Variants in ARHGAP20 observed in about 807,000 individuals in gnomAD.
ARHGAP20 encodes rho GTPase-activating protein 20.
In ARHGAP20, 34 loss-of-function variants were observed where a neutral mutation model predicts 73.7. That is an observed-to-expected ratio of 0.46 (90% CI 0.35 to 0.61). The LOEUF is 0.61. Among genes scored for constraint, ARHGAP20 ranks in the 20% least tolerant of loss-of-function variants. ARHGAP20 has a pLI of 0.00. For missense variants in ARHGAP20, 1,314 were observed against 1,420.9 expected (o/e 0.92, Z 1.21); for synonymous variants, 523 against 518.2 (o/e 1.01, Z -0.13).
intron 2 of ARHGAP20, among the ~76,000 whole-genome samples, chr11:110,650,598 C>A (rs1185012123): frequency 1.3e-5 from 2 of 152,030 alleles, no homozygotes; most frequent in East Asian, 3.9e-4. Flanking sequence ...TACATCCACA[C>A]CACTCTATTG....
At chr11:110,607,429 C>T (rs561369155) in intron 8 of ARHGAP20, among the ~76,000 whole-genome samples, 1 of 152,122 alleles carries the variant, frequency 6.6e-6, no homozygotes, top group African/African-American at 2.4e-5. Context: ...AAAAACTAAA[C>T]CCTGGACATC....
At chr11:110,690,732 T>C in intron 1 of ARHGAP20, 103 bp from the exon 2 acceptor site, 1 of 1,143,686 alleles carries the variant, frequency 8.7e-7, no homozygotes, top group Non-Finnish European at 1.3e-6. Context: ...TTGCCTATCT[T>C]TGTCTGTCAA....
At chr11:110,671,524 TC>T in intron 2 of ARHGAP20, among the ~76,000 whole-genome samples, 1 of 152,134 alleles carries the variant, frequency 6.6e-6, no homozygotes, top group South Asian at 2.1e-4. Context: ...GAAATAAAAA[TC>T]AAACAAATTA....
At chr11:110,593,465 G>GCACTCACT (rs1371953182) in intron 9 of ARHGAP20, among the ~76,000 whole-genome samples, 1 of 152,162 alleles carries the variant, frequency 6.6e-6, no homozygotes, top group East Asian at 1.9e-4. Context: ...CTAGCTGAAG[G>GCACTCACT]CACTAAAGAG....
At chr11:110,593,886 T>C (rs1391190690) in intron 9 of ARHGAP20, among the ~76,000 whole-genome samples, 2 of 152,248 alleles carry the variant, frequency 1.3e-5, no homozygotes, top group African/African-American at 4.8e-5. Flanking sequence ...CTCCATTTTC[T>C]CCAGTGAGAG....
chr11:110,669,811 G>C (rs1949793769), intron 2 of ARHGAP20, among the ~76,000 whole-genome samples: 1 of 152,060 alleles, frequency 6.6e-6, no homozygotes, highest in Non-Finnish European at 1.5e-5. Flanking sequence ...GGTACTTATT[G>C]AGAGGTTTGA....
chr11:110,598,579 A>C (rs1024367268), intron 9 of ARHGAP20, among the ~76,000 whole-genome samples: 2 of 152,198 alleles, frequency 1.3e-5, no homozygotes, highest in African/African-American at 4.8e-5. Context: ...AGATAATCAT[A>C]ATGTGATTTT....
intron 4 of ARHGAP20, among the ~76,000 whole-genome samples, chr11:110,619,347 G>C (rs1295336799): frequency 6.6e-6 from 1 of 150,540 alleles, no homozygotes; most frequent in African/African-American, 2.5e-5. Context: ...TGCAGTGATA[G>C]AGTATATGTA....
chr11:110,630,644 C>G lies in ARHGAP20; in HGVS notation c.337G>C (p.Val113Leu). The G allele has an allele frequency of 6.2e-7, 1 of 1,613,952 alleles. No homozygotes were observed. Among genetic ancestry groups the G allele is most frequent in the East Asian group, 2.2e-5 (1 of 44,880 alleles). Residue 113 changes from valine (V) to leucine (L), a missense_variant, in exon 3 of 15, where the codon GTT becomes CTT. Val to Leu is a conservative substitution (Grantham distance 32). Coordinates refer to ENST00000683387, the MANE Select transcript of ARHGAP20 (RefSeq NM_001384657.1). ...TATACATACTTGATTTTGGCCACAA[C>G]AAACAGATCATTGAATAGGAAAAGA... ...RHLFLFNDLF[V>L]VAKIKYNNNF...
intron 2 of ARHGAP20, among the ~76,000 whole-genome samples, chr11:110,687,030 T>A (rs1950146129): frequency 1.9e-5 from 2 of 104,770 alleles, no homozygotes; most frequent in African/African-American, 4.8e-5. Context: ...AACTGAAGAT[T>A]AAAACATATA....
At chr11:110,711,829 G>A (rs1950665641) in intron 1 of ARHGAP20, 4 of 1,312,052 alleles carry the variant, frequency 3.0e-6, no homozygotes, top group Middle Eastern at 2.9e-4. Flanking sequence ...CTAGACTGAG[G>A]GAGGAGCCGG....
chr11:110,678,835 C>T (rs1949983753), intron 2 of ARHGAP20, among the ~76,000 whole-genome samples: 1 of 151,872 alleles, frequency 6.6e-6, no homozygotes, highest in Non-Finnish European at 1.5e-5. Flanking sequence ...ATAATTTTCA[C>T]ATTTTTTTTT....
chr11:110,609,115 ATTTTT>A (rs57075075), intron 7 of ARHGAP20, 65 bp from the exon 8 acceptor site: 3 of 1,302,678 alleles, frequency 2.3e-6, no homozygotes, highest in Non-Finnish European at 3.2e-6. Context: ...ATGAGGACAC[ATTTTT>A]TTTTTTTGGT....
chr11:110,657,259 G>A (rs1949486982), intron 2 of ARHGAP20, among the ~76,000 whole-genome samples: 1 of 152,034 alleles, frequency 6.6e-6, no homozygotes, highest in African/African-American at 2.4e-5. Context: ...CTAAATTTCT[G>A]ATTCTGAGAC....
At chr11:110,660,061 C>CAA (rs746439426) in intron 2 of ARHGAP20, among the ~76,000 whole-genome samples, 12 of 69,258 alleles carry the variant, frequency 1.7e-4, no homozygotes, top group South Asian at 1.1e-3. Context: ...TAATAAAAAA[C>CAA]AAAAAAAAAA....
intron 1 of ARHGAP20, among the ~76,000 whole-genome samples, chr11:110,703,177 T>G (rs1203436032): frequency 6.6e-6 from 1 of 152,128 alleles, no homozygotes; most frequent in Non-Finnish European, 1.5e-5. Flanking sequence ...CCAGGACCAC[T>G]TTAAACATTT....
intron 4 of ARHGAP20, among the ~76,000 whole-genome samples, chr11:110,619,542 AT>A (rs1438619434): frequency 6.6e-6 from 1 of 151,162 alleles, no homozygotes; most frequent in Non-Finnish European, 1.5e-5. Context: ...ATATGCAGTG[AT>A]AGAGTATATG....
intron 6 of ARHGAP20, among the ~76,000 whole-genome samples, chr11:110,611,837 G>T (rs915548016): frequency 2.0e-5 from 3 of 152,070 alleles, no homozygotes; most frequent in Non-Finnish European, 4.4e-5. Context: ...TCTTTGCGTG[G>T]TATAAAGTCA....
At chr11:110,704,743 G>T (rs1466580788) in intron 1 of ARHGAP20, among the ~76,000 whole-genome samples, 1 of 152,086 alleles carries the variant, frequency 6.6e-6, no homozygotes, top group Non-Finnish European at 1.5e-5. Flanking sequence ...CTACCAAATT[G>T]AGCATTCTCT....
Sources: gnomAD v4.1 joint callset for allele counts (sites outside exome capture counted in the v4.1 genomes callset) on GRCh38, gnomAD v4.1.1 for gene constraint, MANE v1.5 for transcripts, NCBI Gene and HGNC (gene_info 2026-07-23, HGNC 2026-07-21) for gene names.